IFTAP: variants seen among roughly 807,000 people sequenced by gnomAD.
IFTAP encodes intraflagellar transport associated protein.
In IFTAP, 19 loss-of-function variants were observed where a neutral mutation model predicts 19.4. That is an observed-to-expected ratio of 0.98 (90% CI 0.68 to 1.44). The LOEUF (loss-of-function observed/expected upper bound fraction) is 1.44. Ranked by LOEUF, IFTAP falls within the 40% of genes most tolerant of loss-of-function variation. The pLI is 0.00. For synonymous variants in IFTAP, 85 were observed against 83.5 expected, an observed-to-expected ratio of 1.02 and a Z score of -0.10; for missense variants, 240 against 253.6, an observed-to-expected ratio of 0.95 and a Z score of 0.36.
chr11:36,637,954 C>T (rs1041673452), intron 4 of IFTAP, among the ~76,000 whole-genome samples: 5 of 151,544 alleles, frequency 3.3e-5, no homozygotes, highest in Non-Finnish European at 7.4e-5. Flanking sequence ...GATCTCAGCT[C>T]ACTGCAACCT....
At chr11:36,598,500 A>G (rs1851376505) in intron 1 of IFTAP, among the ~76,000 whole-genome samples, 1 of 152,260 alleles carries the variant, frequency 6.6e-6, no homozygotes, top group Admixed American at 6.5e-5. Context: ...TCTATGGTTT[A>G]AATAAACACT....
chr11:36,611,314 A>G (rs1226526827), intron 2 of IFTAP, among the ~76,000 whole-genome samples: 1 of 151,964 alleles, frequency 6.6e-6, no homozygotes, highest in Non-Finnish European at 1.5e-5. Flanking sequence ...CATTAGACTC[A>G]CCTGACTCGC....
intron 5 of IFTAP, among the ~76,000 whole-genome samples, chr11:36,650,164 A>G (rs1045648421): frequency 1.3e-5 from 2 of 152,170 alleles, no homozygotes; most frequent in South Asian, 4.1e-4. Flanking sequence ...GTAAAAGAAC[A>G]TAATCATTAG....
At position 36,629,083 on chromosome 11, in the gene IFTAP, G is replaced by A. The variant is rs191972008; in HGVS notation, c.137-4201G>A. ...GGTTTTTAAATTGCTTATTTAGTTCGAACGACTATCGCTCCAGGGGAGGCC... is the reference window on the plus strand; with the variant it reads ...GGTTTTTAAATTGCTTATTTAGTTCAAACGACTATCGCTCCAGGGGAGGCC... On this transcript the variant is annotated intron_variant, in intron 2 of 5. Transcript: ENST00000334307. 2.0e-4 allele frequency among the ~76,000 whole-genome samples: 30 copies of A among 151,422 alleles called. 1 individual carries two copies. The East Asian group carries it at 3.7e-3, about 18-fold the overall frequency.
intron 1 of IFTAP, among the ~76,000 whole-genome samples, chr11:36,605,224 T>A (rs1279789720): frequency 6.6e-6 from 1 of 152,000 alleles, no homozygotes; most frequent in East Asian, 1.9e-4. Flanking sequence ...CCATTTTGAG[T>A]AAGTGGGCTT....
intron 4 of IFTAP, among the ~76,000 whole-genome samples, chr11:36,639,131 G>A (rs1041784755): frequency 2.6e-5 from 4 of 152,062 alleles, no homozygotes; most frequent in African/African-American, 4.8e-5. Flanking sequence ...GTTTGGATCA[G>A]TTATTAGTTA....
intron 2 of IFTAP, among the ~76,000 whole-genome samples, chr11:36,619,119 A>C (rs1852204467): frequency 6.6e-6 from 1 of 150,412 alleles, no homozygotes; most frequent in African/African-American, 2.4e-5. Flanking sequence ...GAGTCTTTTA[A>C]TTTTTTTTTT....
In IFTAP at chr11:36,633,318, T is replaced by A; in HGVS notation, c.171T>A (p.Thr57=). 6.2e-7 allele frequency: 1 copy of A among 1,600,416 alleles called. No homozygotes were observed. Among genetic ancestry groups the A allele is most frequent in the Middle Eastern group, 1.8e-4 (1 of 5,622 alleles). Residue 57 remains threonine (T), a synonymous_variant, in exon 3 of 6, where the codon ACT becomes ACA. Coordinates refer to ENST00000334307, the MANE Select transcript of IFTAP (RefSeq NM_138787.4). ...DHVSKRGVFG[T]DSSENIFTSA... The stretch of plus-strand genomic sequence containing the variant: ...TGTCCAAAAGGGGAGTGTTTGGAAC[T>A]GATTCTTCAGAAAACATTTTTACCT...
At chr11:36,631,603 G>T (rs1338556420) in intron 2 of IFTAP, among the ~76,000 whole-genome samples, 2 of 151,044 alleles carry the variant, frequency 1.3e-5, no homozygotes, top group African/African-American at 5.0e-5. Flanking sequence ...AACAAACATG[G>T]GCACTGTGCT....
chr11:36,648,657 C>A (rs955989060), intron 5 of IFTAP, among the ~76,000 whole-genome samples: 4 of 152,062 alleles, frequency 2.6e-5, no homozygotes, highest in African/African-American at 9.7e-5. Flanking sequence ...TCATCAGGGA[C>A]CCAGGTTCCT....
At position 36,600,237 on chromosome 11, in the gene IFTAP, A is replaced by C. The variant is rs138241605; in HGVS notation, c.-24+5645A>C. 5.6e-3 allele frequency among the ~76,000 whole-genome samples: 857 copies of C among 152,354 alleles called. 9 individuals carry two copies. Among genetic ancestry groups the C allele is most frequent in the East Asian group, 0.025 (128 of 5,182 alleles). ...TACTATGTACAAAGCCATGTGGAGA[A>C]TTAGAAAAAAAATCAGACACAGGTC... On this transcript the variant is annotated intron_variant, in intron 1 of 5. Coordinates refer to ENST00000334307, the MANE Select transcript of IFTAP (RefSeq NM_138787.4).
chr11:36,603,890 C>T (rs932148159), intron 1 of IFTAP, among the ~76,000 whole-genome samples: 7 of 149,126 alleles, frequency 4.7e-5, no homozygotes, highest in South Asian at 2.1e-4. Context: ...CCACTGCACT[C>T]GAGCCTGGGT....
chr11:36,654,750 T>C (rs992211313), intron 5 of IFTAP, among the ~76,000 whole-genome samples: 1 of 152,172 alleles, frequency 6.6e-6, no homozygotes, highest in African/African-American at 2.4e-5. Context: ...TTCTTCCTTT[T>C]TTTTACATTT....
rs1173713674 is a variant in IFTAP at position 36,618,656 on chromosome 11, C to T, written c.136+8417C>T. ...GCCTTAGGTACAAGCCTGAGGAACA[C>T]CCACATTTAGTGGATGGCACAGAAG... On this transcript the variant is annotated intron_variant, in intron 2 of 5. Transcript: ENST00000334307. Among the ~76,000 whole-genome samples, 3 of 151,936 alleles carry T rather than the reference C, an allele frequency of 2.0e-5. No homozygotes were observed. In the East Asian group the frequency reaches 5.8e-4, roughly 29 times the overall value.
chr11:36,607,873 A>G (rs1223363109), intron 1 of IFTAP, among the ~76,000 whole-genome samples: 1 of 152,090 alleles, frequency 6.6e-6, no homozygotes, highest in African/African-American at 2.4e-5. Context: ...GGGTTTCTCC[A>G]TGTTGTTCAG....
At chr11:36,637,017 C>CGGA (rs1318827015) in intron 4 of IFTAP, among the ~76,000 whole-genome samples, 1 of 151,188 alleles carries the variant, frequency 6.6e-6, no homozygotes, top group Non-Finnish European at 1.5e-5. Flanking sequence ...GCAGTTTCCA[C>CGGA]GGAGGTTTGG....
At chr11:36,601,751 C>A (rs12288887) in intron 1 of IFTAP, among the ~76,000 whole-genome samples, 1 of 151,954 alleles carries the variant, frequency 6.6e-6, no homozygotes, top group East Asian at 1.9e-4. Flanking sequence ...CCTTCTGGGC[C>A]CAAGTGATCC....
intron 4 of IFTAP, among the ~76,000 whole-genome samples, chr11:36,640,142 A>G (rs1853139357): frequency 1.3e-5 from 2 of 152,148 alleles, no homozygotes; most frequent in Non-Finnish European, 2.9e-5. Context: ...AGACTCCTGA[A>G]GATGTGGTAT....
At chr11:36,655,340 C>A (rs929752008) in intron 5 of IFTAP, among the ~76,000 whole-genome samples, 2 of 152,158 alleles carry the variant, frequency 1.3e-5, no homozygotes, top group South Asian at 4.1e-4. Flanking sequence ...TTCCAAGACG[C>A]CTTCTCTGAT....
Sources: gnomAD v4.1 joint callset for allele counts (sites outside exome capture counted in the v4.1 genomes callset) on GRCh38, gnomAD v4.1.1 for gene constraint, MANE v1.5 for transcripts, NCBI Gene and HGNC (gene_info 2026-07-23, HGNC 2026-07-21) for gene names.